The following PRDM6 variants were observed in gnomAD, a reference collection of about 807,000 sequenced individuals.
The protein encoded by PRDM6 is PR/SET domain 6.
A neutral mutation model predicts 60.8 loss-of-function variants in PRDM6; 25 were observed. The observed-to-expected ratio is 0.41, with a 90% CI of 0.30 to 0.57. The LOEUF (loss-of-function observed/expected upper bound fraction) is 0.57, where lower values mean the gene tolerates loss of function less well. Ranked by LOEUF, PRDM6 falls within the 20% of genes least tolerant of loss-of-function variation. The pLI is 0.27. For synonymous variants in PRDM6, 407 were observed against 357.4 expected (o/e 1.14, Z -1.57); for missense variants, 839 against 821.3 (o/e 1.02, Z -0.26).
intron 3 of PRDM6, among the ~76,000 whole-genome samples, chr5:123,147,373 AT>A (rs1212425836): frequency 6.6e-6 from 1 of 151,892 alleles, no homozygotes. Context: ...TAGGGTTACC[AT>A]TTTTTTCCTT....
chr5:123,089,672 G>A (rs1321425319), intron 1 of PRDM6, among the ~76,000 whole-genome samples, 153 bp downstream of exon 1: 1 of 152,058 alleles, frequency 6.6e-6, no homozygotes, highest in Middle Eastern at 3.2e-3. Context: ...GCTCGGGTCG[G>A]CTCCGGGCGC....
chr5:123,102,293 A>G (rs776821409), intron 3 of PRDM6, among the ~76,000 whole-genome samples: 1 of 152,180 alleles, frequency 6.6e-6, no homozygotes, highest in African/African-American at 2.4e-5. Flanking sequence ...TATTAGCATA[A>G]TGATTTTTAA....
chr5:123,101,738 C>T (rs1191315156), intron 3 of PRDM6, among the ~76,000 whole-genome samples: 2 of 152,110 alleles, frequency 1.3e-5, no homozygotes, highest in East Asian at 3.8e-4. Context: ...GTTTTTTCCC[C>T]CCCAGAAGGC....
At chr5:123,184,874 C>G (rs2126893675) in intron 7 of PRDM6, among the ~76,000 whole-genome samples, 1 of 152,248 alleles carries the variant, frequency 6.6e-6, no homozygotes, top group East Asian at 1.9e-4. Context: ...CTTCTTTCCT[C>G]AAGGAGAACT....
intron 6 of PRDM6, among the ~76,000 whole-genome samples, chr5:123,172,150 T>C (rs988388588): frequency 2.6e-5 from 4 of 152,050 alleles, no homozygotes; most frequent in African/African-American, 9.7e-5. Context: ...ACCCAGCTCT[T>C]CCCTCCCAGC....
rs538574724 is a variant in PRDM6 at position 123,187,094 on chromosome 5, A to C, written c.1681A>C (p.Arg561=). 150 of 1,551,212 alleles carry C rather than the reference A, an allele frequency of 9.7e-5. 3 individuals are homozygous for C. The South Asian group carries it at 1.7e-3, about 18-fold the overall frequency. The part of the protein sequence containing the change: ...HTGEKPFKCE[R]CERSFTQATQ... Reference sequence around the variant, plus strand: ...CTCTCTTGCCTCCACCAGGTGCGAGAGGTGTGAGAGGAGCTTCACGCAGGC... The same window carrying C: ...CTCTCTTGCCTCCACCAGGTGCGAGCGGTGTGAGAGGAGCTTCACGCAGGC... The change falls in exon 8 of 8, where the codon AGG becomes CGG. Residue 561 remains arginine (R), a synonymous_variant. Coordinates refer to ENST00000407847, the MANE Select transcript of PRDM6 (RefSeq NM_001136239.4).
intron 3 of PRDM6, among the ~76,000 whole-genome samples, chr5:123,130,413 T>G (rs1764805639): frequency 6.8e-6 from 1 of 147,144 alleles, no homozygotes; most frequent in Non-Finnish European, 1.5e-5. Context: ...CAGTTAGCCC[T>G]GAAAGGTTAT....
intron 3 of PRDM6, among the ~76,000 whole-genome samples, chr5:123,155,262 CTTT>C (rs759225954): frequency 3.2e-5 from 3 of 92,728 alleles, no homozygotes; most frequent in Non-Finnish European, 4.2e-5. Context: ...GAGGGTCTCT[CTTT>C]TTTTTTTTTT....
At chr5:123,094,389 C>A (rs1445725855) in intron 2 of PRDM6, among the ~76,000 whole-genome samples, 1 of 151,636 alleles carries the variant, frequency 6.6e-6, no homozygotes, top group Non-Finnish European at 1.5e-5. Flanking sequence ...AGACCTGGTC[C>A]GGGTGGGAGG....
chr5:123,184,129 C>T (rs1321508131), intron 7 of PRDM6, among the ~76,000 whole-genome samples: 1 of 152,142 alleles, frequency 6.6e-6, no homozygotes. Flanking sequence ...TTGAACACAT[C>T]ATACATACAA....
At chr5:123,155,563 G>C (rs1240637556) in intron 3 of PRDM6, among the ~76,000 whole-genome samples, 1 of 151,960 alleles carries the variant, frequency 6.6e-6, no homozygotes, top group Non-Finnish European at 1.5e-5. Context: ...AGCTTGCTTT[G>C]TTTATCCAGC....
At chr5:123,111,954 C>T (rs1161952363) in intron 3 of PRDM6, among the ~76,000 whole-genome samples, 3 of 152,126 alleles carry the variant, frequency 2.0e-5, no homozygotes, top group Non-Finnish European at 2.9e-5. Context: ...CCCTTATCAC[C>T]TCTCCCACCT....
In PRDM6 at chr5:123,148,936, A is replaced by G. The variant is rs115395460; in HGVS notation, c.901-6948A>G. Among the ~76,000 whole-genome samples the G allele has an allele frequency of 5.7e-3, 870 of 152,326 alleles. 11 individuals are homozygous for G. The highest frequency in any genetic ancestry group is 0.02 in the African/African-American group (819 of 41,570). ...CATATAACTGAGAGCAAATCATTTC[A>G]TCTTTCTCAGCCCAAGGCTTATTAC... On this transcript the variant is annotated intron_variant, in intron 3 of 7. Transcript: ENST00000407847.
chr5:123,131,638 G>C (rs1349209759), intron 3 of PRDM6, among the ~76,000 whole-genome samples: 3 of 152,146 alleles, frequency 2.0e-5, no homozygotes, highest in Non-Finnish European at 4.4e-5. Flanking sequence ...TCGAGTGGCT[G>C]TGTCTATCAC....
In PRDM6 at chr5:123,159,577, C is replaced by G; in HGVS notation, c.1092C>G (p.Tyr364Ter). Residue 364 changes from tyrosine to a stop codon, truncating the protein, a stop_gained, in exon 5 of 8, where the codon TAC becomes TAG. Coordinates refer to ENST00000407847, the MANE Select transcript of PRDM6 (RefSeq NM_001136239.4). LOFTEE classifies it high-confidence loss of function. ...IPRGTELLVW[Y>*]NDSYTSFFGI... Reference sequence around the variant, plus strand: ...GGGGCACCGAGCTTCTGGTGTGGTACAATGACAGCTATACGTCTTTCTTTG... The same window carrying G: ...GGGGCACCGAGCTTCTGGTGTGGTAGAATGACAGCTATACGTCTTTCTTTG... The G allele has an allele frequency of 6.4e-7, 1 of 1,551,482 alleles. No individual in the cohort carries two copies. Among genetic ancestry groups the G allele is most frequent in the Non-Finnish European group, 8.7e-7 (1 of 1,146,710 alleles).
At chr5:123,097,626 T>A (rs908893560) in intron 2 of PRDM6, among the ~76,000 whole-genome samples, 4 of 151,724 alleles carry the variant, frequency 2.6e-5, no homozygotes, top group African/African-American at 9.7e-5. Flanking sequence ...GTCTTGAAGT[T>A]TTTATTTTCA....
chr5:123,154,039 A>G (rs775840628), intron 3 of PRDM6, among the ~76,000 whole-genome samples: 16 of 152,162 alleles, frequency 1.1e-4, no homozygotes, highest in Non-Finnish European at 2.4e-4. Flanking sequence ...GCTTTGGTCA[A>G]TGTTGCAATT....
chr5:123,141,935 A>G (rs1394632709), intron 3 of PRDM6, among the ~76,000 whole-genome samples: 2 of 152,148 alleles, frequency 1.3e-5, no homozygotes, highest in African/African-American at 2.4e-5. Flanking sequence ...TCACTCCATG[A>G]CCATGCCTCC....
chr5:123,096,417 C>A lies in PRDM6; in HGVS notation c.593-3237C>A, dbSNP rs74438992. Among the ~76,000 whole-genome samples the A allele has an allele frequency of 4.8e-3, 726 of 152,256 alleles. 10 individuals are homozygous for A. Among genetic ancestry groups the A allele is most frequent in the African/African-American group, 0.017 (691 of 41,556 alleles). ...TGTCTTCTTAAGCATATTTGTCAATCCCAAGAAATGTTACTTGTTTTTAAT... is the reference window on the plus strand; with the variant it reads ...TGTCTTCTTAAGCATATTTGTCAATACCAAGAAATGTTACTTGTTTTTAAT... On this transcript the variant is annotated intron_variant, in intron 2 of 7. Transcript: ENST00000407847.
Sources: allele counts gnomAD v4.1 joint callset (sites outside exome capture counted in the v4.1 genomes callset), GRCh38; gene constraint gnomAD v4.1.1; transcripts MANE v1.5; gene names NCBI Gene and HGNC (gene_info 2026-07-23, HGNC 2026-07-21).